The following PRDM6 variants were observed in gnomAD, a reference collection of about 807,000 sequenced individuals.
PRDM6 encodes the protein putative histone-lysine N-methyltransferase PRDM6.
PRDM6 carries 25 observed loss-of-function variants against 60.8 expected under a neutral mutation model. That is an observed-to-expected ratio of 0.41 (90% confidence interval 0.30 to 0.57). PRDM6 has a LOEUF of 0.57. Ranked by LOEUF, PRDM6 falls within the 20% of genes least tolerant of loss-of-function variation. PRDM6 has a pLI of 0.27. For missense variants in PRDM6, 839 were observed against 821.3 expected (o/e 1.02, Z -0.26); for synonymous variants, 407 against 357.4 (o/e 1.14, Z -1.57).
At chr5:123,153,015 A>G (rs2126870491) in intron 3 of PRDM6, among the ~76,000 whole-genome samples, 1 of 152,342 alleles carries the variant, frequency 6.6e-6, no homozygotes, top group South Asian at 2.1e-4. Context: ...TCCTATTGAT[A>G]AAAGAGAAAG....
intron 3 of PRDM6, among the ~76,000 whole-genome samples, chr5:123,114,475 G>T (rs191516967): frequency 9.2e-5 from 14 of 152,236 alleles, no homozygotes; most frequent in Admixed American, 2.0e-4. Flanking sequence ...TTTCCTTCCA[G>T]CATCCCCTTG....
intron 7 of PRDM6, among the ~76,000 whole-genome samples, chr5:123,181,396 T>A (rs2126891142): frequency 6.6e-6 from 1 of 152,288 alleles, no homozygotes; most frequent in South Asian, 2.1e-4. Context: ...TTTTGAAGGA[T>A]AAGTAGGAGA....
At chr5:123,125,359 A>T (rs903689957) in intron 3 of PRDM6, among the ~76,000 whole-genome samples, 3 of 145,684 alleles carry the variant, frequency 2.1e-5, no homozygotes, top group Non-Finnish European at 4.5e-5. Flanking sequence ...TTTTTTAATC[A>T]TTTGAGTAGC....
chr5:123,174,269 G>A (rs1004262662), intron 6 of PRDM6, among the ~76,000 whole-genome samples: 4 of 152,188 alleles, frequency 2.6e-5, no homozygotes, highest in Non-Finnish European at 4.4e-5. Flanking sequence ...ACCTGTATAC[G>A]TATATTCTTT....
intron 6 of PRDM6, chr5:123,173,342 G>C (rs1765938242): frequency 6.0e-6 from 1 of 166,730 alleles, no homozygotes; most frequent in Non-Finnish European, 1.5e-5. Flanking sequence ...GTGGGAGATT[G>C]TTAGGTCTAT....
chr5:123,101,775 G>A (rs1764109208), intron 3 of PRDM6, among the ~76,000 whole-genome samples: 1 of 152,146 alleles, frequency 6.6e-6, no homozygotes, highest in South Asian at 2.1e-4. Context: ...GTTGGCAGGA[G>A]GCCACTACAC....
In PRDM6 at chr5:123,156,092, G is replaced by A. The variant is rs900022651; in HGVS notation, c.1028+81G>A. 11 of 1,368,220 alleles carry A rather than the reference G, an allele frequency of 8.0e-6. 1 individual carries two copies. The African/African-American group carries it at 1.5e-4, about 18-fold the overall frequency. The allele number at this position is 1,368,220 out of a possible 1,614,324, so 84.8% of individuals were successfully genotyped here. On this transcript the variant is annotated intron_variant, in intron 4 of 7. Coordinates refer to ENST00000407847, the MANE Select transcript of PRDM6 (RefSeq NM_001136239.4). ...ACAAATTCAGGCTTGCCACTGGTGGGTAAAAAAAATCCTGCAGAACTCTGC... is the reference window on the plus strand; with the variant it reads ...ACAAATTCAGGCTTGCCACTGGTGGATAAAAAAAATCCTGCAGAACTCTGC...
At chr5:123,153,996 A>G (rs1765436389) in intron 3 of PRDM6, among the ~76,000 whole-genome samples, 2 of 152,172 alleles carry the variant, frequency 1.3e-5, no homozygotes, top group Admixed American at 6.5e-5. Flanking sequence ...TTACTCCATC[A>G]AAGATTAACA....
intron 5 of PRDM6, among the ~76,000 whole-genome samples, chr5:123,162,232 T>C (rs2126877388): frequency 6.6e-6 from 1 of 152,278 alleles, no homozygotes; most frequent in African/African-American, 2.4e-5. Context: ...TGCTTCCACC[T>C]GACAATGCTG....
intron 3 of PRDM6, among the ~76,000 whole-genome samples, chr5:123,120,001 A>G (rs942619239): frequency 6.6e-6 from 1 of 152,198 alleles, no homozygotes; most frequent in African/African-American, 2.4e-5. Flanking sequence ...AAAAAAGTTT[A>G]AGGTTTTTCC....
intron 2 of PRDM6, among the ~76,000 whole-genome samples, chr5:123,098,218 C>A (rs539728646): frequency 2.0e-5 from 3 of 152,390 alleles, no homozygotes; most frequent in Admixed American, 1.3e-4. Flanking sequence ...ACCCGGGTGC[C>A]CCGAGGGCCA....
chr5:123,175,676 T>G (rs1167856756), intron 6 of PRDM6, among the ~76,000 whole-genome samples: 4 of 152,226 alleles, frequency 2.6e-5, no homozygotes, highest in Admixed American at 6.5e-5. Context: ...AGATTTGCAC[T>G]TGGGCTGGCT....
chr5:123,129,720 C>T (rs1259449722), intron 3 of PRDM6, among the ~76,000 whole-genome samples: 1 of 152,072 alleles, frequency 6.6e-6, no homozygotes, highest in Non-Finnish European at 1.5e-5. Context: ...TAAACAAGCA[C>T]AAAATTTGAG....
intron 7 of PRDM6, among the ~76,000 whole-genome samples, chr5:123,184,524 C>A (rs1378931551): frequency 3.3e-5 from 5 of 152,154 alleles, no homozygotes; most frequent in African/African-American, 1.2e-4. Context: ...GCATTACCTG[C>A]ATCTTTTCTT....
intron 5 of PRDM6, among the ~76,000 whole-genome samples, chr5:123,160,439 A>G (rs1457221364): frequency 6.6e-6 from 1 of 152,268 alleles, no homozygotes; most frequent in Non-Finnish European, 1.5e-5. Context: ...TCTTGTCACC[A>G]CATTGACTAA....
At chr5:123,171,316 T>G (rs1765886098) in intron 6 of PRDM6, among the ~76,000 whole-genome samples, 1 of 152,200 alleles carries the variant, frequency 6.6e-6, no homozygotes, top group Non-Finnish European at 1.5e-5. Flanking sequence ...GAGAGGAATC[T>G]GCACTTGCCT....
Position 123,174,489 on chromosome 5 carries a change from G to C in PRDM6, c.1496+3381G>C, listed in dbSNP as rs190852157. On this transcript the variant is annotated intron_variant, in intron 6 of 7. Coordinates refer to ENST00000407847, the MANE Select transcript of PRDM6 (RefSeq NM_001136239.4). ...GGAGAGAAAGTCAGAAGGTAAAACAGGTTAGAGTTTCAAACAAGTCCAAAT... is the reference window on the plus strand; with the variant it reads ...GGAGAGAAAGTCAGAAGGTAAAACACGTTAGAGTTTCAAACAAGTCCAAAT... 1.1e-4 allele frequency among the ~76,000 whole-genome samples: 16 copies of C among 152,334 alleles called. No homozygotes were observed. In the East Asian group the frequency reaches 3.1e-3, roughly 29 times the overall value.
chr5:123,188,294 G>A lies in PRDM6; in HGVS notation c.*1093G>A, dbSNP rs1396423024. On this transcript the variant is annotated 3_prime_UTR_variant, in exon 8 of 8. Transcript: ENST00000407847. The stretch of plus-strand genomic sequence containing the variant: ...TTTGAGAGGAGGAACCATGGAGAAG[G>A]TTGTGGTTAGAACAGATAGCCCAGG... 1 of 152,210 alleles carries A rather than the reference G, an allele frequency of 6.6e-6. No homozygotes were observed. The highest frequency in any genetic ancestry group is 1.5e-5 in the Non-Finnish European group (1 of 68,048). The allele number at this position is 152,210 out of a possible 1,614,324, so 9.4% of individuals were successfully genotyped here. A position where few individuals can be genotyped will look rare whatever the true frequency, so the allele number is the denominator to read the frequency against.
chr5:123,142,877 C>CAAAAAA, intron 3 of PRDM6, among the ~76,000 whole-genome samples: 271 of 27,184 alleles, frequency 1.0e-2, no homozygotes, highest in Non-Finnish European at 0.013. Flanking sequence ...CAGTGAAGAC[C>CAAAAAA]AAAAAAAAAA....
Sources: allele counts gnomAD v4.1 joint callset (sites outside exome capture counted in the v4.1 genomes callset), GRCh38; gene constraint gnomAD v4.1.1; transcripts MANE v1.5; gene names NCBI Gene and HGNC (gene_info 2026-07-23, HGNC 2026-07-21).